MTA3: variants seen among roughly 807,000 people sequenced by gnomAD.
MTA3 encodes metastasis-associated protein MTA3.
MTA3 carries 34 observed loss-of-function variants against 83.5 expected under a neutral mutation model. The observed-to-expected ratio is 0.41, with a 90% CI of 0.31 to 0.54. The LOEUF is 0.54. Ranked by LOEUF, MTA3 falls within the 20% of genes least tolerant of loss-of-function variation. The probability of loss-of-function intolerance (pLI) is 0.33; values close to 1 mark genes in which losing one functional copy is unlikely to be tolerated. For synonymous variants in MTA3, 303 were observed against 252.7 expected (o/e 1.20, Z -1.89); for missense variants, 761 against 726.4 (o/e 1.05, Z -0.55).
At position 42,596,660 on chromosome 2, in the gene MTA3, G is replaced by A. The variant is rs143167983; in HGVS notation, c.191-12798G>A. 4.2e-4 allele frequency among the ~76,000 whole-genome samples: 64 copies of A among 152,216 alleles called. No individual in the cohort carries two copies. The East Asian group carries it at 0.011, about 27-fold the overall frequency. ...AATACTTTAAAATTGATGTCACATTGCTTATTGATCATTAAATGAGGCATT... is the reference window on the plus strand; with the variant it reads ...AATACTTTAAAATTGATGTCACATTACTTATTGATCATTAAATGAGGCATT... On this transcript the variant is annotated intron_variant, in intron 3 of 16. Coordinates refer to ENST00000405094, the MANE Select transcript of MTA3 (RefSeq NM_001330442.2).
intron 5 of MTA3, among the ~76,000 whole-genome samples, chr2:42,641,431 C>G (rs1687682720): frequency 6.6e-6 from 1 of 152,044 alleles, no homozygotes; most frequent in African/African-American, 2.4e-5. Context: ...AGGCTTTTGT[C>G]ATTAGTCTGT....
chr2:42,554,698 G>A (rs930466979), intron 2 of MTA3, among the ~76,000 whole-genome samples: 1 of 152,176 alleles, frequency 6.6e-6, no homozygotes, highest in Non-Finnish European at 1.5e-5. Flanking sequence ...CTCAAATCTG[G>A]AGGGTGGTGG....
intron 2 of MTA3, among the ~76,000 whole-genome samples, chr2:42,510,309 CA>C (rs1674837704): frequency 8.3e-6 from 1 of 120,452 alleles, no homozygotes; most frequent in Non-Finnish European, 1.7e-5. Context: ...CTGGGCGACT[CA>C]GAAAAAAAAA....
chr2:42,741,613 G>GA (rs923423212), intron 16 of MTA3, among the ~76,000 whole-genome samples: 4 of 71,228 alleles, frequency 5.6e-5, no homozygotes, highest in African/African-American at 4.0e-4. Context: ...TCAAGGAGAG[G>GA]GGAAAAGACA....
intron 2 of MTA3, among the ~76,000 whole-genome samples, chr2:42,545,093 C>G (rs1345897568): frequency 6.6e-6 from 1 of 152,064 alleles, no homozygotes; most frequent in African/African-American, 2.4e-5. Context: ...GATTTTGAAT[C>G]CCAACCAGGC....
At chr2:42,551,214 G>A (rs1213638166) in intron 2 of MTA3, among the ~76,000 whole-genome samples, 2 of 151,688 alleles carry the variant, frequency 1.3e-5, no homozygotes, top group Non-Finnish European at 1.5e-5. Flanking sequence ...TTTTTGAGAC[G>A]AAGTCTTGCT....
chr2:42,607,877 G>C (rs1683679586), intron 3 of MTA3, among the ~76,000 whole-genome samples: 1 of 152,158 alleles, frequency 6.6e-6, no homozygotes, highest in Admixed American at 6.5e-5. Flanking sequence ...CTTGAACCCG[G>C]GAGATGGAGG....
intron 2 of MTA3, among the ~76,000 whole-genome samples, chr2:42,517,753 C>G (rs1326337890): frequency 6.6e-6 from 1 of 150,614 alleles, no homozygotes; most frequent in East Asian, 1.9e-4. Flanking sequence ...TGGCGGGAGC[C>G]TGTAATCCCA....
intron 8 of MTA3, among the ~76,000 whole-genome samples, chr2:42,665,367 G>T (rs1276052184): frequency 6.6e-6 from 1 of 150,416 alleles, no homozygotes; most frequent in Non-Finnish European, 1.5e-5. Flanking sequence ...ACTTCAGCCT[G>T]GGTGACAGAG....
At chr2:42,500,850 G>A (rs1464533938) in intron 2 of MTA3, among the ~76,000 whole-genome samples, 8 of 137,614 alleles carry the variant, frequency 5.8e-5, no homozygotes, top group South Asian at 2.3e-4. Context: ...TCACACTCTC[G>A]CCCAGGCTGG....
chr2:42,717,131 T>A (rs1438153053), intron 14 of MTA3, among the ~76,000 whole-genome samples: 1 of 66,094 alleles, frequency 1.5e-5, no homozygotes, highest in Non-Finnish European at 2.6e-5. Flanking sequence ...AAAAGAGTTT[T>A]TTTTTTTTTT....
At chr2:42,746,954 A>G (rs1669481194) in intron 16 of MTA3, among the ~76,000 whole-genome samples, 1 of 152,008 alleles carries the variant, frequency 6.6e-6, no homozygotes. Flanking sequence ...TCTAATATGA[A>G]TAGACTGAGG....
In MTA3 at chr2:42,515,513, AT is replaced by A. The variant is rs536971263; in HGVS notation, c.-141+20266del. On this transcript the variant is annotated intron_variant, in intron 2 of 17. Transcript: ENST00000405592. The stretch of plus-strand genomic sequence containing the variant: ...TGTATTTTATTTTATTTTATTTTTT[AT>A]TTTTTTGAGATGGATTCTCGCTCTC... Among the ~76,000 whole-genome samples, 195 of 150,096 alleles carry A rather than the reference AT, an allele frequency of 1.3e-3. 1 individual carries two copies. Among genetic ancestry groups the A allele is most frequent in the African/African-American group, 4.6e-3 (186 of 40,842 alleles).
chr2:42,615,190 C>T (rs1289584551), intron 4 of MTA3, among the ~76,000 whole-genome samples: 1 of 151,218 alleles, frequency 6.6e-6, no homozygotes, highest in Non-Finnish European at 1.5e-5. Context: ...CCTCTGGAGG[C>T]TGAGGCAGGA....
rs544224761 is a variant in MTA3 at position 42,625,051 on chromosome 2, A to G, written c.318-15122A>G. On this transcript the variant is annotated intron_variant, in intron 4 of 16. Transcript: ENST00000405094. ...CTTTATTTACTTTTTTATTTTTTTG[A>G]GATGGAGTCTTGCTTTGTCACCCAG... 2.2e-3 allele frequency among the ~76,000 whole-genome samples: 332 copies of G among 151,938 alleles called. 1 individual carries two copies. Among genetic ancestry groups the G allele is most frequent in the South Asian group, 0.013 (63 of 4,814 alleles).
chr2:42,723,498 T>G (rs1350465372), intron 16 of MTA3, among the ~76,000 whole-genome samples: 2 of 152,222 alleles, frequency 1.3e-5, no homozygotes, highest in African/African-American at 4.8e-5. Flanking sequence ...GAGTGCTACA[T>G]GTCATGAAAG....
chr2:42,707,936 C>T lies in MTA3; in HGVS notation c.1184C>T (p.Pro395Leu), dbSNP rs1666245466. ...TQSHQWYSWG[P>L]PNMQCRLCAI... ...TCTCACCAGTGGTATTCTTGGGGCCCACCTAATATGCAGTGTAGATTATGT... is the reference window on the plus strand; with the variant it reads ...TCTCACCAGTGGTATTCTTGGGGCCTACCTAATATGCAGTGTAGATTATGT... Residue 395 changes from proline (P) to leucine (L), a missense_variant, in exon 13 of 17, where the codon CCA becomes CTA. Coordinates refer to ENST00000405094, the MANE Select transcript of MTA3 (RefSeq NM_001330442.2). 6.2e-7 allele frequency: 1 copy of T among 1,602,950 alleles called. No individual in the cohort carries two copies. Among genetic ancestry groups the T allele is most frequent in the South Asian group, 1.1e-5 (1 of 88,462 alleles).
At chr2:42,584,451 A>G (rs1680029558) in intron 3 of MTA3, among the ~76,000 whole-genome samples, 2 of 152,288 alleles carry the variant, frequency 1.3e-5, no homozygotes, top group South Asian at 4.2e-4. Flanking sequence ...AGTTGCTAAC[A>G]TTTTGCCCTA....
chr2:42,538,553 C>T (rs971313762), intron 2 of MTA3, among the ~76,000 whole-genome samples: 7 of 151,572 alleles, frequency 4.6e-5, no homozygotes, highest in Non-Finnish European at 8.8e-5. Flanking sequence ...ACTAAAACTA[C>T]AAAAATTAGC....
Sources: gnomAD v4.1 joint callset for allele counts (sites outside exome capture counted in the v4.1 genomes callset) on GRCh38, gnomAD v4.1.1 for gene constraint, MANE v1.5 for transcripts, NCBI Gene and HGNC (gene_info 2026-07-23, HGNC 2026-07-21) for gene names.